Variants in PTPRE observed in about 807,000 individuals in gnomAD.
PTPRE encodes the protein receptor-type tyrosine-protein phosphatase epsilon.
In PTPRE, 51 loss-of-function variants were observed where a neutral mutation model predicts 102.0. The ratio of observed to expected loss-of-function variants is 0.50; its 90% CI spans 0.40 to 0.63. The LOEUF (loss-of-function observed/expected upper bound fraction) is 0.63. Among genes scored for constraint, PTPRE ranks in the 30% least tolerant of loss-of-function variants. The pLI is 0.00. For missense variants in PTPRE, 752 were observed against 915.1 expected (o/e 0.82, Z 2.30); for synonymous variants, 345 against 348.2 (o/e 0.99, Z 0.10).
intron 1 of PTPRE, among the ~76,000 whole-genome samples, chr10:127,913,167 C>A (rs1271221275): frequency 6.6e-6 from 1 of 152,176 alleles, no homozygotes; most frequent in Non-Finnish European, 1.5e-5. Flanking sequence ...TACGCAGAGG[C>A]CTGGCCCCAT....
Position 128,079,557 on chromosome 10 carries a change from C to T in PTPRE, c.1893-3C>T. ...ATCTGCATTAAGCGCTTTTTCTCTG[C>T]AGTGCCGGAGCTGGGCGAACAGGTA... On this transcript the variant is annotated splice_polypyrimidine_tract_variant and splice_region_variant and intron_variant, in intron 19 of 20. Coordinates refer to ENST00000254667, the MANE Select transcript of PTPRE (RefSeq NM_006504.6). 1.9e-6 allele frequency: 3 copies of T among 1,612,724 alleles called. No individual in the cohort carries two copies. Among genetic ancestry groups the T allele is most frequent in the Non-Finnish European group, 8.5e-7 (1 of 1,179,616 alleles).
At chr10:127,942,883 G>C (rs572379686) in intron 1 of PTPRE, among the ~76,000 whole-genome samples, 1 of 152,118 alleles carries the variant, frequency 6.6e-6, no homozygotes, top group African/African-American at 2.4e-5. Context: ...CATTTTACAC[G>C]TACATTACCA....
At chr10:128,002,071 T>C (rs1421059896) in intron 2 of PTPRE, among the ~76,000 whole-genome samples, 2 of 152,122 alleles carry the variant, frequency 1.3e-5, no homozygotes, top group Admixed American at 1.3e-4. Flanking sequence ...GGAGCACAGA[T>C]CCAGGCCGTG....
At chr10:127,924,371 G>T (rs765723552) in intron 1 of PTPRE, among the ~76,000 whole-genome samples, 1 of 152,050 alleles carries the variant, frequency 6.6e-6, no homozygotes, top group African/African-American at 2.4e-5. Context: ...GACTACAGGC[G>T]CCCACCACCG....
At chr10:127,999,781 G>T (rs1011059636) in intron 2 of PTPRE, 1 of 985,430 alleles carries the variant, frequency 1.0e-6, no homozygotes, top group Non-Finnish European at 1.2e-6. Flanking sequence ...TAGTGTGAGT[G>T]CCGGCAGCCG....
At chr10:127,922,085 A>G (rs548509517) in intron 1 of PTPRE, among the ~76,000 whole-genome samples, 1 of 152,382 alleles carries the variant, frequency 6.6e-6, no homozygotes, top group East Asian at 1.9e-4. Context: ...TTTTTGAAAG[A>G]AGGCTACTGG....
At chr10:128,019,356 C>T (rs921116400) in intron 2 of PTPRE, among the ~76,000 whole-genome samples, 17 of 152,044 alleles carry the variant, frequency 1.1e-4, no homozygotes, top group Non-Finnish European at 2.1e-4. Context: ...GGCTGACGCC[C>T]GGCACTCAGA....
At chr10:128,074,786 C>CGTCATAACTCTATGTCAT (rs1358598689) in intron 17 of PTPRE, among the ~76,000 whole-genome samples, 2 of 152,122 alleles carry the variant, frequency 1.3e-5, no homozygotes, top group African/African-American at 4.8e-5. Context: ...TGCTAGGTCA[C>CGTCATAACTCTATGTCAT]GTCATAACTC....
intron 11 of PTPRE, 21 bp from the exon 12 acceptor site, chr10:128,068,102 G>A (rs1314555981): frequency 6.2e-7 from 1 of 1,602,416 alleles, no homozygotes; most frequent in Non-Finnish European, 8.5e-7. Flanking sequence ...ACCCACTCTT[G>A]TCTCCCCGCG....
chr10:128,077,870 T>C, intron 19 of PTPRE, 87 bp downstream of exon 19: 1 of 1,438,376 alleles, frequency 7.0e-7, no homozygotes, highest in Non-Finnish European at 9.3e-7. Flanking sequence ...CAGAGCCTGG[T>C]CGCTGCCCCT....
At chr10:127,996,488 A>T (rs1413836430) in intron 2 of PTPRE, among the ~76,000 whole-genome samples, 1 of 152,248 alleles carries the variant, frequency 6.6e-6, no homozygotes, top group African/African-American at 2.4e-5. Flanking sequence ...CTCATTCCTT[A>T]CAGTAAAACC....
intron 2 of PTPRE, among the ~76,000 whole-genome samples, chr10:128,020,559 T>C (rs183595759): frequency 1.3e-5 from 2 of 152,344 alleles, no homozygotes; most frequent in East Asian, 3.9e-4. Context: ...TCTTCTTGGT[T>C]TATATTTTTT....
At chr10:127,998,621 A>G (rs1190497857) in intron 2 of PTPRE, 2 of 152,192 alleles carry the variant, frequency 1.3e-5, no homozygotes, top group Non-Finnish European at 2.9e-5. Context: ...GCTGCACATA[A>G]GAAAAGACGT....
rs763799252 is a variant in PTPRE at position 128,047,693 on chromosome 10, AC to A, written c.210-70del. ...TTTCCCGGCTCACCTGGTGGGTATC[AC>A]TGTGCCGAGCGCTGTTGGCTCTCGG... On this transcript the variant is annotated intron_variant, in intron 4 of 20. Coordinates refer to ENST00000254667, the MANE Select transcript of PTPRE (RefSeq NM_006504.6). 5.9e-5 allele frequency: 95 copies of A among 1,613,902 alleles called. 1 individual carries two copies. The highest frequency in any genetic ancestry group is 5.0e-5 in the Admixed American group (3 of 59,998).
intron 2 of PTPRE, among the ~76,000 whole-genome samples, chr10:127,994,636 TC>T (rs780483117): frequency 3.1e-4 from 47 of 152,304 alleles, no homozygotes; most frequent in Non-Finnish European, 5.0e-4. Flanking sequence ...TCCAAGTGGC[TC>T]AGTCAATTTT....
chr10:127,992,324 C>T (rs1261021555), intron 2 of PTPRE, among the ~76,000 whole-genome samples: 1 of 152,166 alleles, frequency 6.6e-6, no homozygotes, highest in Non-Finnish European at 1.5e-5. Context: ...ACATCCGTCT[C>T]CCTAGCTGCT....
chr10:127,941,056 A>G (rs1164327619), intron 1 of PTPRE, among the ~76,000 whole-genome samples: 3 of 152,126 alleles, frequency 2.0e-5, no homozygotes, highest in East Asian at 3.9e-4. Flanking sequence ...CTTGTCCCAG[A>G]TGTACTGTGT....
At chr10:128,009,874 C>T (rs982784345) in intron 2 of PTPRE, among the ~76,000 whole-genome samples, 3 of 152,222 alleles carry the variant, frequency 2.0e-5, no homozygotes, top group Non-Finnish European at 2.9e-5. Context: ...GCCTCACCCC[C>T]CTCCATGGCC....
intron 2 of PTPRE, among the ~76,000 whole-genome samples, chr10:128,038,299 A>G (rs962056249): frequency 4.6e-5 from 7 of 152,194 alleles, no homozygotes; most frequent in Admixed American, 3.9e-4. Flanking sequence ...CAGCCATCCC[A>G]TTACTGGGTA....
Sources: gnomAD v4.1 joint callset for allele counts (sites outside exome capture counted in the v4.1 genomes callset) on GRCh38, gnomAD v4.1.1 for gene constraint, MANE v1.5 for transcripts, NCBI Gene and HGNC (gene_info 2026-07-23, HGNC 2026-07-21) for gene names.